The following SPSB1 variants were observed in gnomAD, a reference collection of about 807,000 sequenced individuals.
SPSB1 encodes SPRY domain-containing SOCS box protein 1.
Under a neutral mutation model 21.2 loss-of-function variants are expected in SPSB1, and 8 were observed. The ratio of observed to expected loss-of-function variants is 0.38; its 90% confidence interval spans 0.22 to 0.68. The LOEUF is 0.68. Ranked by LOEUF, SPSB1 falls within the 30% of genes least tolerant of loss-of-function variation. The probability of loss-of-function intolerance (pLI) is 0.53; values close to 1 mark genes in which losing one functional copy is unlikely to be tolerated. For missense variants in SPSB1, 242 were observed against 377.8 expected, an observed-to-expected ratio of 0.64 and a Z score of 2.98; for synonymous variants, 169 against 161.7, an observed-to-expected ratio of 1.05 and a Z score of -0.34.
chr1:9,315,981 G>A lies in SPSB1; in HGVS notation c.-150+22910G>A, dbSNP rs146581986. ...ATCCTGGTGCAGTTCTGCAGCCAGC[G>A]GGGCCTCTTGGCAGACGGGTTCAGA... On this transcript the variant is annotated intron_variant, in intron 1 of 2. Transcript: ENST00000328089. Among the ~76,000 whole-genome samples, 18 of 152,342 alleles carry A rather than the reference G, an allele frequency of 1.2e-4. No individual in the cohort carries two copies. In the East Asian group the frequency reaches 2.5e-3, roughly 21 times the overall value.
rs1293653982 is a variant in SPSB1 at position 9,354,867 on chromosome 1, T to C, written c.-149-876T>C. ...ATCGGGTAGATGATGCAGTGAGATC[T>C]CTCCCCCAACCCAGAGTCCCTGTTC... On this transcript the variant is annotated intron_variant, in intron 1 of 2. Transcript: ENST00000328089. 3.3e-5 allele frequency among the ~76,000 whole-genome samples: 5 copies of C among 151,874 alleles called. No individual in the cohort carries two copies. In the East Asian group the frequency reaches 9.7e-4, roughly 29 times the overall value.
chr1:9,320,362 C>A (rs1431193741), intron 1 of SPSB1, among the ~76,000 whole-genome samples: 1 of 152,190 alleles, frequency 6.6e-6, no homozygotes, highest in Middle Eastern at 3.2e-3. Flanking sequence ...TGGCTGAAAG[C>A]TCCCGGGGAC....
At chr1:9,325,236 C>T (rs797015177) in intron 1 of SPSB1, among the ~76,000 whole-genome samples, 4 of 141,166 alleles carry the variant, frequency 2.8e-5, no homozygotes, top group South Asian at 2.3e-4. Flanking sequence ...CCCCCCCCCC[C>T]CGCCCCGCCT....
chr1:9,296,760 C>G (rs555727391), intron 1 of SPSB1, among the ~76,000 whole-genome samples: 3 of 152,340 alleles, frequency 2.0e-5, no homozygotes, highest in African/African-American at 7.2e-5. Flanking sequence ...GGGCAAGAGT[C>G]GGGAGATGTA....
Position 9,367,362 on chromosome 1 carries a change from C to A in SPSB1, c.695-86C>A. The stretch of plus-strand genomic sequence containing the variant: ...TTTACTGATTTGAGTGAATACTAAT[C>A]AGTGATAATATTGCTGCTGTGGTTA... On this transcript the variant is annotated intron_variant, in intron 2 of 2. Coordinates refer to ENST00000328089, the MANE Select transcript of SPSB1 (RefSeq NM_025106.4). This position sits in a 1 kb window ranked among gnomAD's most constrained non-coding sequence, Gnocchi z 5.9. 6.3e-7 allele frequency: 1 copy of A among 1,585,992 alleles called. No individual in the cohort carries two copies. Among genetic ancestry groups the A allele is most frequent in the Non-Finnish European group, 8.6e-7 (1 of 1,160,564 alleles).
rs985476726 is a variant in SPSB1 at position 9,369,177 on chromosome 1, T to C, written c.*1602T>C. On this transcript the variant is annotated 3_prime_UTR_variant, in exon 3 of 3. Transcript: ENST00000328089. ...ATTGGTGCCAAGACTGGGTGAGAAA[T>C]GTACATTACCCCCTTATTATTTTGA... is the stretch of plus-strand genomic sequence containing the variant. 5 of 151,748 alleles carry C rather than the reference T, an allele frequency of 3.3e-5. No individual in the cohort carries two copies. Among genetic ancestry groups the C allele is most frequent in the Admixed American group, 2.0e-4 (3 of 15,142 alleles). 9.4% of individuals were successfully genotyped at this position (151,748 alleles called of 1,614,324 possible).
At chr1:9,354,945 C>T (rs1293457718) in intron 1 of SPSB1, among the ~76,000 whole-genome samples, 1 of 152,160 alleles carries the variant, frequency 6.6e-6, no homozygotes, top group Admixed American at 6.5e-5. Flanking sequence ...ACGAGGCATC[C>T]TAGCATCGGA....
chr1:9,316,019 T>G (rs546751272), intron 1 of SPSB1, among the ~76,000 whole-genome samples: 1 of 152,302 alleles, frequency 6.6e-6, no homozygotes, highest in East Asian at 1.9e-4. Context: ...TGGAAATTGC[T>G]TAGTCATTTG....
chr1:9,366,593 T>TTTG (rs1640575595), intron 2 of SPSB1, among the ~76,000 whole-genome samples: 1 of 151,002 alleles, frequency 6.6e-6, no homozygotes, highest in African/African-American at 2.4e-5. Flanking sequence ...TTTTTTTTTT[T>TTTG]GGACCGAGTC....
At chr1:9,339,028 T>C (rs1239756883) in intron 1 of SPSB1, among the ~76,000 whole-genome samples, 1 of 152,136 alleles carries the variant, frequency 6.6e-6, no homozygotes, top group Non-Finnish European at 1.5e-5. Flanking sequence ...TGCCTTCTGG[T>C]TCTCCAGGCC....
chr1:9,310,296 A>G (rs1424271691), intron 1 of SPSB1, among the ~76,000 whole-genome samples: 1 of 152,200 alleles, frequency 6.6e-6, no homozygotes, highest in East Asian at 1.9e-4. Flanking sequence ...CAAGATTCAC[A>G]GGATTCAGAC....
chr1:9,354,844 C>T (rs899179431), intron 1 of SPSB1, among the ~76,000 whole-genome samples: 1 of 152,044 alleles, frequency 6.6e-6, no homozygotes, highest in African/African-American at 2.4e-5. Context: ...GGAGAGGGAT[C>T]GGGTAGATGA....
chr1:9,303,352 CGAAAG>C (rs1263681302), intron 1 of SPSB1, among the ~76,000 whole-genome samples: 2 of 152,094 alleles, frequency 1.3e-5, no homozygotes, highest in African/African-American at 4.8e-5. Context: ...TTGTTGCAGA[CGAAAG>C]GAACACAGAA....
chr1:9,329,567 G>A (rs1008718760), intron 1 of SPSB1, among the ~76,000 whole-genome samples: 3 of 151,986 alleles, frequency 2.0e-5, no homozygotes, highest in East Asian at 1.9e-4. Flanking sequence ...AGTGGCATGC[G>A]CCTGTAGTCC....
intron 1 of SPSB1, among the ~76,000 whole-genome samples, chr1:9,301,079 A>C (rs543921736): frequency 4.5e-4 from 69 of 152,316 alleles, no homozygotes; most frequent in African/African-American, 1.6e-3. Context: ...CCTTGCTTCG[A>C]AGGAGAGATG....
intron 1 of SPSB1, among the ~76,000 whole-genome samples, chr1:9,307,072 C>T (rs1027847244): frequency 5.3e-5 from 8 of 152,040 alleles, no homozygotes; most frequent in South Asian, 2.1e-4. Context: ...GGATTACAGG[C>T]ACGTGCCACC....
intron 1 of SPSB1, among the ~76,000 whole-genome samples, chr1:9,354,749 C>G (rs1051974854): frequency 6.6e-6 from 1 of 151,750 alleles, no homozygotes; most frequent in Non-Finnish European, 1.5e-5. Flanking sequence ...TGCAGTGAGC[C>G]GAGATCACGC....
Position 9,340,040 on chromosome 1 carries a change from G to A in SPSB1, c.-149-15703G>A, listed in dbSNP as rs1023191961. On this transcript the variant is annotated intron_variant, in intron 1 of 2. Transcript: ENST00000328089. ...CATGCAGGTCACCCAGAGGTCTGGG[G>A]CTAGTGCCATTCAGGGGCAGTAGCC... is the stretch of plus-strand genomic sequence containing the variant. Among the ~76,000 whole-genome samples, 6 of 152,346 alleles carry A rather than the reference G, an allele frequency of 3.9e-5. No homozygotes were observed. The South Asian group carries it at 8.3e-4, about 21-fold the overall frequency.
At chr1:9,362,636 C>G (rs1182921363) in intron 2 of SPSB1, among the ~76,000 whole-genome samples, 1 of 152,216 alleles carries the variant, frequency 6.6e-6, no homozygotes, top group East Asian at 1.9e-4. Flanking sequence ...AGCCCGTGAA[C>G]TGGGCACAGC....
Sources: gnomAD v4.1 joint callset for allele counts (sites outside exome capture counted in the v4.1 genomes callset) on GRCh38, gnomAD v4.1.1 for gene constraint, Gnocchi (gnomAD v3.1) non-coding constraint, MANE v1.5 for transcripts, NCBI Gene and HGNC (gene_info 2026-07-23, HGNC 2026-07-21) for gene names.